KIF9: variants seen among roughly 807,000 people sequenced by gnomAD.
KIF9 encodes kinesin family member 9.
KIF9 carries 68 observed loss-of-function variants against 94.8 expected under a neutral mutation model. That is an observed-to-expected ratio of 0.72 (90% confidence interval 0.59 to 0.88). The LOEUF (loss-of-function observed/expected upper bound fraction) is 0.88. Among genes scored for constraint, KIF9 ranks in the 40% least tolerant of loss-of-function variants. The probability of loss-of-function intolerance (pLI) is 0.00; values close to 1 mark genes in which losing one functional copy is unlikely to be tolerated. For missense variants in KIF9, 882 were observed against 982.5 expected (o/e 0.90, Z 1.37); for synonymous variants, 343 against 362.1 (o/e 0.95, Z 0.60).
At chr3:47,259,069 G>A (rs1220095415) in intron 9 of KIF9, among the ~76,000 whole-genome samples, 1 of 152,106 alleles carries the variant, frequency 6.6e-6, no homozygotes, top group East Asian at 1.9e-4. Context: ...AGATGCTCAG[G>A]CCCCCTGATG....
At chr3:47,272,599 A>G (rs925835916) in intron 4 of KIF9, among the ~76,000 whole-genome samples, 2 of 152,202 alleles carry the variant, frequency 1.3e-5, no homozygotes, top group Non-Finnish European at 2.9e-5. Context: ...AAGAATGTAA[A>G]CTATCTCAAT....
Position 47,239,903 on chromosome 3 carries a change from T to C in KIF9, c.1924+898A>G, listed in dbSNP as rs761724305. ...TAGCGAGGGAAAGCCCAGTAACCTGTGGTGTTTCCTGTCTGGAAGAAGACA... is the reference window on the plus strand; with the variant it reads ...TAGCGAGGGAAAGCCCAGTAACCTGCGGTGTTTCCTGTCTGGAAGAAGACA... On this transcript the variant is annotated intron_variant, in intron 17 of 20. Transcript: ENST00000684063. 5 of 1,367,774 alleles carry C rather than the reference T, an allele frequency of 3.7e-6. No individual in the cohort carries two copies. In the South Asian group the frequency reaches 4.5e-5, roughly 12 times the overall value. The allele number at this position is 1,367,774 out of a possible 1,614,324, so 84.7% of individuals were successfully genotyped here.
chr3:47,276,042 G>A (rs771702089), intron 2 of KIF9, among the ~76,000 whole-genome samples: 1 of 152,148 alleles, frequency 6.6e-6, no homozygotes, highest in African/African-American at 2.4e-5. Context: ...TAGGAATTAA[G>A]AGTAAATTGA....
intron 15 of KIF9, 122 bp from the exon 16 acceptor site, chr3:47,243,367 TG>T: frequency 2.8e-6 from 2 of 706,986 alleles, no homozygotes; most frequent in Non-Finnish European, 4.4e-6. Flanking sequence ...GCTCCCATCT[TG>T]TTCATATGCC....
intron 5 of KIF9, 130 bp from the exon 6 acceptor site, chr3:47,267,393 C>CA: frequency 1.4e-6 from 1 of 712,912 alleles, no homozygotes; most frequent in Non-Finnish European, 2.5e-6. Flanking sequence ...GCCTTCCAGG[C>CA]AAACCTCTTT....
intron 10 of KIF9, among the ~76,000 whole-genome samples, chr3:47,254,037 A>T (rs1700424718): frequency 6.6e-6 from 1 of 152,204 alleles, no homozygotes; most frequent in Non-Finnish European, 1.5e-5. Flanking sequence ...CATTTATTGA[A>T]CATTTACCCC....
intron 1 of KIF9, chr3:47,280,930 C>A (rs568835231): frequency 3.7e-5 from 26 of 703,086 alleles, no homozygotes; most frequent in South Asian, 3.4e-4. Flanking sequence ...CATTTAGGGA[C>A]CCCATGCCAT....
At chr3:47,277,086 A>C (rs543085012) in intron 2 of KIF9, 196 bp downstream of exon 2, 1 of 405,320 alleles carries the variant, frequency 2.5e-6, no homozygotes, top group South Asian at 8.3e-5. Flanking sequence ...ATTAAAAGAC[A>C]ATTAACGATG....
intron 5 of KIF9, among the ~76,000 whole-genome samples, chr3:47,267,822 T>A (rs1286511105): frequency 6.6e-6 from 1 of 151,608 alleles, no homozygotes; most frequent in Non-Finnish European, 1.5e-5. Context: ...TTAGTGAGCA[T>A]GTATTACTAT....
chr3:47,255,761 CCCACGGTCTCCCTCTCCCTCTCTTT>C (rs1457047874), intron 10 of KIF9, among the ~76,000 whole-genome samples: 24 of 151,754 alleles, frequency 1.6e-4, no homozygotes, highest in African/African-American at 2.2e-4. Context: ...TCTCCCTCTC[CCCACGGTCTCCCTCTCCCTCTCTTT>C]CCACGGTCTC....
intron 20 of KIF9, among the ~76,000 whole-genome samples, chr3:47,234,875 T>C (rs961676022): frequency 6.6e-6 from 1 of 152,206 alleles, no homozygotes; most frequent in Non-Finnish European, 1.5e-5. Context: ...CATGCTTTCT[T>C]AATGTTTGAA....
At chr3:47,282,169 C>T in intron 1 of KIF9, 2 of 984,608 alleles carry the variant, frequency 2.0e-6, no homozygotes, top group Non-Finnish European at 2.4e-6. Flanking sequence ...GACTGGTGAT[C>T]CCAAAGCCCC....
intron 3 of KIF9, 188 bp downstream of exon 3, chr3:47,275,137 C>A: frequency 1.8e-6 from 1 of 552,206 alleles, no homozygotes; most frequent in Non-Finnish European, 3.1e-6. Context: ...AGGTAGAATC[C>A]CAGGACATTG....
chr3:47,253,492 G>C (rs1056626715), intron 10 of KIF9, among the ~76,000 whole-genome samples: 1 of 151,602 alleles, frequency 6.6e-6, no homozygotes, highest in Non-Finnish European at 1.5e-5. Context: ...AAACATTTCA[G>C]ATAAATGTGA....
intron 14 of KIF9, 126 bp from the exon 15 acceptor site, chr3:47,245,050 C>T (rs577762896): frequency 1.7e-4 from 223 of 1,288,774 alleles, no homozygotes; most frequent in Middle Eastern, 1.3e-3. Context: ...GGTTTGACAG[C>T]TGCTGATGCC....
intron 10 of KIF9, chr3:47,248,324 C>T: frequency 4.0e-6 from 2 of 502,624 alleles, no homozygotes; most frequent in South Asian, 2.7e-5. Flanking sequence ...TTTGCTACTG[C>T]CAGTAGAAGA....
chr3:47,263,335 T>G (rs1010745250), intron 9 of KIF9, among the ~76,000 whole-genome samples: 2 of 152,082 alleles, frequency 1.3e-5, no homozygotes, highest in African/African-American at 4.8e-5. Flanking sequence ...CACAAGCTTC[T>G]CCCTTCCCCA....
chr3:47,243,570 C>A, intron 15 of KIF9: 1 of 196,750 alleles, frequency 5.1e-6, no homozygotes, highest in Non-Finnish European at 1.0e-5. Context: ...TCAGGAACCA[C>A]CACGGCTGCT....
chr3:47,248,119 AG>A, intron 10 of KIF9, 33 bp from the exon 11 acceptor site: 1 of 1,527,914 alleles, frequency 6.5e-7, no homozygotes, highest in Middle Eastern at 1.7e-4. Flanking sequence ...GGGGGCCGAC[AG>A]GAAGGATCAT....
Sources: gnomAD v4.1 joint callset for allele counts (sites outside exome capture counted in the v4.1 genomes callset) on GRCh38, gnomAD v4.1.1 for gene constraint, MANE v1.5 for transcripts, NCBI Gene and HGNC (gene_info 2026-07-23, HGNC 2026-07-21) for gene names.